PDPK1: variants seen among roughly 807,000 people sequenced by gnomAD.
PDPK1 encodes the protein 3-phosphoinositide dependent protein kinase 1.
Under a neutral mutation model 39.8 loss-of-function variants are expected in PDPK1, and 7 were observed. The observed-to-expected ratio is 0.18, with a 90% CI of 0.10 to 0.33. The LOEUF is 0.33. PDPK1 is among the 10% of genes least tolerant of loss of function. PDPK1 has a pLI of 1.00. For missense variants in PDPK1, 182 were observed against 384.7 expected, an observed-to-expected ratio of 0.47 and a Z score of 4.41; for synonymous variants, 118 against 159.1, an observed-to-expected ratio of 0.74 and a Z score of 1.95.
intron 1 of PDPK1, among the ~76,000 whole-genome samples, chr16:2,541,096 C>A (rs2066237313): frequency 6.6e-6 from 1 of 152,166 alleles, no homozygotes; most frequent in African/African-American, 2.4e-5. Flanking sequence ...GGTGAGCTCC[C>A]AGTGGTAAGA....
At chr16:2,541,410 G>C (rs925853107) in intron 1 of PDPK1, among the ~76,000 whole-genome samples, 2 of 152,202 alleles carry the variant, frequency 1.3e-5, no homozygotes, top group African/African-American at 2.4e-5. Flanking sequence ...AAATGAGGGG[G>C]CAAGCGTGGC....
Position 2,602,333 on chromosome 16 carries a change from G to C in PDPK1, c.*4566G>C, listed in dbSNP as rs2067233985. 2 of 234,696 alleles carry C rather than the reference G, an allele frequency of 8.5e-6. No individual in the cohort carries two copies. The highest frequency in any genetic ancestry group is 2.2e-5 in the African/African-American group (1 of 45,316). The allele number at this position is 234,696 out of a possible 1,614,324, so 14.5% of individuals were successfully genotyped here. A position where few individuals can be genotyped will look rare whatever the true frequency, so the allele number is the denominator to read the frequency against. The stretch of plus-strand genomic sequence containing the variant: ...GGTTGTAGATGAGGCTGCCTGTGGA[G>C]AACTGGTGTGAGGAGGAAGCTGTTT... On this transcript the variant is annotated 3_prime_UTR_variant, in exon 14 of 14. Transcript: ENST00000342085.
rs1415305027 is a variant in PDPK1, at chr16:2,551,673, T to TG, written c.25-6030_25-6029insG. Among the ~76,000 whole-genome samples the TG allele has an allele frequency of 1.7e-3, 229 of 137,072 alleles. 5 individuals carry two copies. Among genetic ancestry groups the TG allele is most frequent in the Middle Eastern group, 0.01 (3 of 288 alleles). The allele number at this position is 137,072 out of a possible 152,430, so 89.9% of individuals were successfully genotyped here. On this transcript the variant is annotated intron_variant, in intron 1 of 13. Transcript: ENST00000342085. ...CTGATTTCCATCTTTTTTTTTTTTT[T>TG]TTTTTGTTTTTAGACGGAGTTTCGC...
chr16:2,552,524 C>T (rs1460538728), intron 1 of PDPK1, among the ~76,000 whole-genome samples: 1 of 149,270 alleles, frequency 6.7e-6, no homozygotes, highest in Non-Finnish European at 1.5e-5. Flanking sequence ...AAAGTAGCAA[C>T]AGGACCAGCA....
rs2066739120 is a variant in PDPK1, at chr16:2,577,605, G to A, written c.785+105G>A. On this transcript the variant is annotated intron_variant, in intron 7 of 13. Coordinates refer to ENST00000342085, the MANE Select transcript of PDPK1 (RefSeq NM_002613.5). Reference sequence around the variant, plus strand: ...TTAAGTAGCTAAGCATACTTGGGAAGAAATTAGCATTTCGCATTTTAAGGC... The same window carrying A: ...TTAAGTAGCTAAGCATACTTGGGAAAAAATTAGCATTTCGCATTTTAAGGC... 7.5e-6 allele frequency: 5 copies of A among 663,598 alleles called. No homozygotes were observed. The Admixed American group carries it at 1.0e-4, about 14-fold the overall frequency. 41.1% of individuals were successfully genotyped at this position (663,598 alleles called of 1,614,324 possible). A position where few individuals can be genotyped will look rare whatever the true frequency, so the allele number is the denominator to read the frequency against.
chr16:2,592,757 T>C, intron 11 of PDPK1: 1 of 454,942 alleles, frequency 2.2e-6, no homozygotes, highest in Non-Finnish European at 4.4e-6. Flanking sequence ...GTGAATCCGC[T>C]GCACACACGC....
chr16:2,595,833 C>T lies in PDPK1; in HGVS notation c.1384C>T (p.Pro462Ser). Reference sequence around the variant, plus strand: ...AAATAATTTAATACTAAAGATGGGCCCAGTGGATAAGCGGAAGGTGAGTGG... The same window carrying T: ...AAATAATTTAATACTAAAGATGGGCTCAGTGGATAAGCGGAAGGTGAGTGG... ...VENNLILKMG[P>S]VDKRKGLFAR... The change falls in exon 12 of 14, where the codon CCA (proline) becomes TCA (serine). Residue 462 changes from proline to serine, a missense_variant. By Grantham distance (74) the Pro-to-Ser change is moderately conservative (BLOSUM62 -1). Around this residue, in one of 5 missense-constraint regions of PDPK1, gnomAD observed 90 missense variants for 111.9 expected, o/e 0.80. Transcript: ENST00000342085. 6.2e-7 allele frequency: 1 copy of T among 1,613,528 alleles called. No individual in the cohort carries two copies. The highest frequency in any genetic ancestry group is 8.5e-7 in the Non-Finnish European group (1 of 1,179,486).
At chr16:2,590,435 A>T (rs1183430110) in intron 11 of PDPK1, among the ~76,000 whole-genome samples, 1 of 152,194 alleles carries the variant, frequency 6.6e-6, no homozygotes, top group Non-Finnish European at 1.5e-5. Context: ...AGCCTTTGTT[A>T]AAAATGTTGA....
In PDPK1 at chr16:2,598,399, T is replaced by C. The variant is rs539284441; in HGVS notation, c.*632T>C. 6 of 234,498 alleles carry C rather than the reference T, an allele frequency of 2.6e-5. No individual in the cohort carries two copies. The highest frequency in any genetic ancestry group is 1.1e-4 in the Admixed American group (2 of 17,830). The allele number at this position is 234,498 out of a possible 1,614,324, so 14.5% of individuals were successfully genotyped here. A position where few individuals can be genotyped will look rare whatever the true frequency, so the allele number is the denominator to read the frequency against. Reference sequence around the variant, plus strand: ...CAGCTTTCTGTGGCCCCTGCTGTGTTGGCAGGCAGGTTTGCGTGGTGAGGA... The same window carrying C: ...CAGCTTTCTGTGGCCCCTGCTGTGTCGGCAGGCAGGTTTGCGTGGTGAGGA... On this transcript the variant is annotated 3_prime_UTR_variant, in exon 14 of 14. Transcript: ENST00000342085.
At position 2,557,977 on chromosome 16, in the gene PDPK1, G is replaced by A. The variant is rs376734800; in HGVS notation, c.285+14G>A. The A allele has an allele frequency of 9.3e-6, 15 of 1,611,910 alleles. No individual in the cohort carries two copies. In the African/African-American group the frequency reaches 1.3e-4, roughly 14 times the overall value. On this transcript the variant is annotated intron_variant, in intron 2 of 13. Transcript: ENST00000342085. Reference sequence around the variant, plus strand: ...TCTTTTTCCACGGTGAGTATTTGCTGCTGCTGTGTGTCAAACGTACGTGAT... The same window carrying A: ...TCTTTTTCCACGGTGAGTATTTGCTACTGCTGTGTGTCAAACGTACGTGAT...
rs2067161860 is a variant in PDPK1 at position 2,599,118 on chromosome 16, C to T, written c.*1351C>T. The T allele has an allele frequency of 4.3e-6, 1 of 233,338 alleles. No homozygotes were observed. Among genetic ancestry groups the T allele is most frequent in the African/African-American group, 2.2e-5 (1 of 45,354 alleles). The allele number at this position is 233,338 out of a possible 1,614,324, so 14.5% of individuals were successfully genotyped here. Reference sequence around the variant, plus strand: ...CACAGACAGGCCAGATGCATTTGTCCTTTGCCTAGCTACTCCCCAGGTAGA... The same window carrying T: ...CACAGACAGGCCAGATGCATTTGTCTTTTGCCTAGCTACTCCCCAGGTAGA... On this transcript the variant is annotated 3_prime_UTR_variant, in exon 14 of 14. Transcript: ENST00000342085.
In PDPK1 at chr16:2,602,487, CTT is replaced by C. The variant is rs2067237716; in HGVS notation, c.*4724_*4725del. 4.3e-6 allele frequency: 1 copy of C among 234,838 alleles called. No homozygotes were observed. Among genetic ancestry groups the C allele is most frequent in the Non-Finnish European group, 8.5e-6 (1 of 118,104 alleles). 14.5% of individuals were successfully genotyped at this position (234,838 alleles called of 1,614,324 possible). On this transcript the variant is annotated 3_prime_UTR_variant, in exon 14 of 14. Coordinates refer to ENST00000342085, the MANE Select transcript of PDPK1 (RefSeq NM_002613.5). ...GAAACACCAAACTATGTACAGAGAA[CTT>C]TTTACAAAAGGCAGACCTTTTTTAA...
intron 11 of PDPK1, chr16:2,592,670 G>GTC (rs2067013559): frequency 2.4e-6 from 1 of 415,130 alleles, no homozygotes; most frequent in East Asian, 7.1e-5. Context: ...GCGAGACTCT[G>GTC]TCTTAAAAAA....
intron 1 of PDPK1, among the ~76,000 whole-genome samples, chr16:2,540,403 C>T (rs1361892834): frequency 6.6e-6 from 1 of 152,172 alleles, no homozygotes; most frequent in African/African-American, 2.4e-5. Flanking sequence ...GGTGTTGTTC[C>T]CATTTTACGG....
chr16:2,598,832 C>G lies in PDPK1; in HGVS notation c.*1065C>G, dbSNP rs1004686263. ...CCACGCCAGGGAGTGCAGACACCAC[C>G]GTCACACACGCCCCTTTTGTGTTTT... On this transcript the variant is annotated 3_prime_UTR_variant, in exon 14 of 14. Transcript: ENST00000342085. The G allele has an allele frequency of 4.3e-6, 1 of 233,216 alleles. No individual in the cohort carries two copies. Among genetic ancestry groups the G allele is most frequent in the Admixed American group, 5.6e-5 (1 of 17,780 alleles). 14.4% of individuals were successfully genotyped at this position (233,216 alleles called of 1,614,324 possible). A position where few individuals can be genotyped will look rare whatever the true frequency, so the allele number is the denominator to read the frequency against.
intron 11 of PDPK1, among the ~76,000 whole-genome samples, chr16:2,588,169 C>T (rs1230462021): frequency 3.3e-5 from 5 of 152,216 alleles, no homozygotes; most frequent in Non-Finnish European, 7.3e-5. Context: ...GTTCGCCACA[C>T]CTGTCTCTAG....
At position 2,592,893 on chromosome 16, in the gene PDPK1, G is replaced by A. The variant is rs148991282; in HGVS notation, c.1344-2900G>A. On this transcript the variant is annotated intron_variant, in intron 11 of 13. Transcript: ENST00000342085. ...GGATGCTGGCGCGGGGGTGGGTGGC[G>A]CCTGTCCGTGGGGCCCTTGCCTGCC... 573 of 456,628 alleles carry A rather than the reference G, an allele frequency of 1.3e-3. 3 individuals are homozygous for A. Among genetic ancestry groups the A allele is most frequent in the African/African-American group, 0.01 (513 of 50,170 alleles). 28.3% of individuals were successfully genotyped at this position (456,628 alleles called of 1,614,324 possible).
chr16:2,587,873 C>T (rs1567165501), intron 11 of PDPK1, among the ~76,000 whole-genome samples: 1 of 152,162 alleles, frequency 6.6e-6, no homozygotes, highest in Admixed American at 6.5e-5. Flanking sequence ...CCATCCTGTC[C>T]CTATTTATAT....
chr16:2,586,941 G>T, intron 11 of PDPK1, 48 bp downstream of exon 11: 1 of 1,515,100 alleles, frequency 6.6e-7, no homozygotes, highest in South Asian at 1.1e-5. Context: ...ATTGCAGCGT[G>T]AACACGTGGG....
Sources: gnomAD v4.1 joint callset for allele counts (sites outside exome capture counted in the v4.1 genomes callset) on GRCh38, gnomAD v4.1.1 for gene constraint, gnomAD v4.1.1 regional missense constraint, MANE v1.5 for transcripts, NCBI Gene and HGNC (gene_info 2026-07-23, HGNC 2026-07-21) for gene names.